Variants in PDZRN4 observed in about 807,000 individuals in gnomAD.
The protein encoded by PDZRN4 is PDZ domain containing ring finger 4, also known as PDZ domain-containing RING finger protein 4.
A neutral mutation model predicts 99.0 loss-of-function variants in PDZRN4; 70 were observed. That is an observed-to-expected ratio of 0.71 (90% CI 0.58 to 0.86). PDZRN4 has a LOEUF of 0.86. Ranked by LOEUF, PDZRN4 falls within the 40% of genes least tolerant of loss-of-function variation. The pLI is 0.00. For missense variants in PDZRN4, 1,474 were observed against 1,331.2 expected (o/e 1.11, Z -1.67); for synonymous variants, 551 against 501.6 (o/e 1.10, Z -1.32).
chr12:41,465,365 T>C lies in PDZRN4; in HGVS notation c.844-41091T>C, dbSNP rs570210073. Among the ~76,000 whole-genome samples the C allele has an allele frequency of 2.6e-5, 4 of 152,338 alleles. No individual in the cohort carries two copies. In the East Asian group the frequency reaches 7.7e-4, roughly 29 times the overall value. ...TGAACAACCACAGAGATTTCACTTG[T>C]AGTTGCTTCACACATCTAACAACTG... is the stretch of plus-strand genomic sequence containing the variant. On this transcript the variant is annotated intron_variant, in intron 3 of 9. Coordinates refer to ENST00000402685, the MANE Select transcript of PDZRN4 (RefSeq NM_001164595.2).
chr12:41,340,800 G>GAACTAATA (rs1331440028), intron 3 of PDZRN4, among the ~76,000 whole-genome samples: 1 of 151,716 alleles, frequency 6.6e-6, no homozygotes, highest in Non-Finnish European at 1.5e-5. Flanking sequence ...ATTTAAAGAA[G>GAACTAATA]AACTAATACT....
intron 3 of PDZRN4, among the ~76,000 whole-genome samples, chr12:41,458,407 T>G (rs1952836628): frequency 6.6e-6 from 1 of 152,210 alleles, no homozygotes; most frequent in African/African-American, 2.4e-5. Context: ...TCCGCCTGCC[T>G]TGGCCTGCCA....
chr12:41,230,037 A>G (rs1951018113), intron 3 of PDZRN4, among the ~76,000 whole-genome samples: 1 of 152,002 alleles, frequency 6.6e-6, no homozygotes, highest in South Asian at 2.1e-4. Flanking sequence ...TTCAACAGTA[A>G]TCATTTTTCA....
rs73274490 is a variant in PDZRN4 at position 41,404,281 on chromosome 12, G to A, written c.844-102175G>A. Among the ~76,000 whole-genome samples, 1,257 of 152,206 alleles carry A rather than the reference G, an allele frequency of 8.3e-3. 22 individuals carry two copies. The highest frequency in any genetic ancestry group is 0.028 in the African/African-American group (1,154 of 41,534). On this transcript the variant is annotated intron_variant, in intron 3 of 9. Coordinates refer to ENST00000402685, the MANE Select transcript of PDZRN4 (RefSeq NM_001164595.2). Reference sequence around the variant, plus strand: ...ATGGCCATAGAAATGCGAGTAGCATGGCATCTATGAGAGAGTGTGAAAGAA... The same window carrying A: ...ATGGCCATAGAAATGCGAGTAGCATAGCATCTATGAGAGAGTGTGAAAGAA...
intron 1 of PDZRN4, among the ~76,000 whole-genome samples, chr12:41,191,177 A>G (rs972853817): frequency 6.6e-6 from 1 of 152,228 alleles, no homozygotes; most frequent in Non-Finnish European, 1.5e-5. Context: ...TAGATACTGC[A>G]TTAGGATAAA....
chr12:41,412,727 G>A (rs576878837), intron 3 of PDZRN4, among the ~76,000 whole-genome samples: 7 of 152,118 alleles, frequency 4.6e-5, no homozygotes, highest in South Asian at 2.1e-4. Flanking sequence ...TAAAAACTGC[G>A]ATAGAACAAT....
intron 3 of PDZRN4, among the ~76,000 whole-genome samples, chr12:41,491,139 T>C (rs1937878243): frequency 6.6e-6 from 1 of 152,098 alleles, no homozygotes; most frequent in Non-Finnish European, 1.5e-5. Context: ...TTTATCCCAA[T>C]ATGTGAGTCC....
At chr12:41,539,682 T>C (rs1359030293) in intron 5 of PDZRN4, among the ~76,000 whole-genome samples, 2 of 152,178 alleles carry the variant, frequency 1.3e-5, no homozygotes, top group Non-Finnish European at 1.5e-5. Context: ...GTTATCTATT[T>C]TCTATTCTTC....
chr12:41,431,647 G>C lies in PDZRN4; in HGVS notation c.844-74809G>C, dbSNP rs74078833. Among the ~76,000 whole-genome samples the C allele has an allele frequency of 3.9e-3, 597 of 152,326 alleles. 2 individuals carry two copies. Among genetic ancestry groups the C allele is most frequent in the African/African-American group, 0.014 (579 of 41,570 alleles). Reference sequence around the variant, plus strand: ...GAAGCCTAGTCTTCTTCTTTGAAATGTTATGCTCTTTCTTTCCATTGGAGT... The same window carrying C: ...GAAGCCTAGTCTTCTTCTTTGAAATCTTATGCTCTTTCTTTCCATTGGAGT... On this transcript the variant is annotated intron_variant, in intron 3 of 9. Transcript: ENST00000402685.
At chr12:41,503,076 T>G (rs181379365) in intron 3 of PDZRN4, among the ~76,000 whole-genome samples, 1 of 152,184 alleles carries the variant, frequency 6.6e-6, no homozygotes, top group East Asian at 1.9e-4. Flanking sequence ...TATAAAATGG[T>G]GACCTTTTGA....
At chr12:41,572,274 A>G (rs1939495025) in intron 9 of PDZRN4, 90 bp from the exon 10 acceptor site, 1 of 1,120,030 alleles carries the variant, frequency 8.9e-7, no homozygotes, top group African/African-American at 1.6e-5. Context: ...CAACTTTGCC[A>G]GGAAACATTG....
At chr12:41,254,077 C>T (rs77163178) in intron 3 of PDZRN4, among the ~76,000 whole-genome samples, 3,080 of 150,652 alleles carry the variant, frequency 0.02, 77 homozygotes, top group African/African-American at 0.058. Flanking sequence ...GTGTTTATTA[C>T]CTTTGAACTA....
chr12:41,516,430 T>C (rs1054083004), intron 5 of PDZRN4, among the ~76,000 whole-genome samples: 14 of 152,118 alleles, frequency 9.2e-5, no homozygotes, highest in African/African-American at 3.1e-4. Flanking sequence ...AAGTGCTAAA[T>C]TGGGGGAGAG....
At chr12:41,412,785 C>G (rs1952409900) in intron 3 of PDZRN4, among the ~76,000 whole-genome samples, 1 of 152,052 alleles carries the variant, frequency 6.6e-6, no homozygotes, top group Non-Finnish European at 1.5e-5. Flanking sequence ...TCCTCAATAT[C>G]TATTTTATAA....
rs919511511 is a variant in PDZRN4, at chr12:41,506,510, C to T, written c.898C>T (p.Arg300Cys). The T allele has an allele frequency of 5.0e-6, 8 of 1,613,456 alleles. No individual in the cohort carries two copies. Among genetic ancestry groups the T allele is most frequent in the Admixed American group, 1.7e-5 (1 of 59,960 alleles). ...ATHEEAVEAF[R>C]NAKEPIVVQV... ...TCATGAAGAGGCAGTGGAAGCTTTT[C>T]GCAATGCCAAGGAGCCCATTGTGGT... Residue 300 changes from arginine (R) to cysteine (C), a missense_variant, in exon 4 of 10, where the codon CGC becomes TGC. Transcript: ENST00000402685.
chr12:41,324,008 A>G (rs894096042), intron 3 of PDZRN4, among the ~76,000 whole-genome samples: 1 of 152,068 alleles, frequency 6.6e-6, no homozygotes, highest in African/African-American at 2.4e-5. Flanking sequence ...TAGCTATTAT[A>G]AGACATTCAT....
At chr12:41,476,265 G>A (rs573435880) in intron 3 of PDZRN4, among the ~76,000 whole-genome samples, 1 of 152,272 alleles carries the variant, frequency 6.6e-6, no homozygotes, top group East Asian at 1.9e-4. Flanking sequence ...AGTTGTTCCT[G>A]CAAAATTGAC....
chr12:41,515,984 A>T (rs973397017), intron 5 of PDZRN4, among the ~76,000 whole-genome samples: 1 of 151,956 alleles, frequency 6.6e-6, no homozygotes, highest in African/African-American at 2.4e-5. Context: ...CCACAGCACA[A>T]CAATACTCAG....
intron 3 of PDZRN4, among the ~76,000 whole-genome samples, chr12:41,209,336 A>C (rs1591968582): frequency 2.9e-5 from 2 of 68,598 alleles, no homozygotes; most frequent in South Asian, 5.9e-4. Flanking sequence ...TTTTCTTTTT[A>C]TTTTTTTATT....
Sources: gnomAD v4.1 joint callset for allele counts (sites outside exome capture counted in the v4.1 genomes callset) on GRCh38, gnomAD v4.1.1 for gene constraint, MANE v1.5 for transcripts, NCBI Gene and HGNC (gene_info 2026-07-23, HGNC 2026-07-21) for gene names.